Variants in TCF7 observed in about 807,000 individuals in gnomAD.
TCF7 encodes the protein transcription factor 7, also known as T-cell-factor-7.
In TCF7, 19 loss-of-function variants were observed where a neutral mutation model predicts 46.8. That is an observed-to-expected ratio of 0.41 (90% CI 0.28 to 0.60). The LOEUF is 0.60. TCF7 is among the 20% of genes least tolerant of loss of function. TCF7 has a pLI of 0.35. For synonymous variants in TCF7, 245 were observed against 213.4 expected, an observed-to-expected ratio of 1.15 and a Z score of -1.29; for missense variants, 547 against 504.6, an observed-to-expected ratio of 1.08 and a Z score of -0.81.
intron 3 of TCF7, among the ~76,000 whole-genome samples, chr5:134,119,879 G>A (rs932602002): frequency 1.3e-5 from 2 of 152,240 alleles, no homozygotes; most frequent in Non-Finnish European, 2.9e-5. Context: ...AGTTATTGGT[G>A]TTGAGCACCA....
At chr5:134,118,547 C>T (rs865917498) in intron 3 of TCF7, among the ~76,000 whole-genome samples, 8 of 152,082 alleles carry the variant, frequency 5.3e-5, no homozygotes, top group Non-Finnish European at 1.0e-4. Context: ...GAACCTTGCC[C>T]GGAGCAATAG....
chr5:134,108,993 C>T, the TCF7 span, among the ~76,000 whole-genome samples: 2 of 152,198 alleles, frequency 1.3e-5, no homozygotes, highest in African/African-American at 4.8e-5. Flanking sequence ...ATAAAACAGC[C>T]AGGAGGGTTT....
intron 5 of TCF7, chr5:134,140,886 C>A: frequency 2.3e-6 from 1 of 432,424 alleles, no homozygotes; most frequent in Non-Finnish European, 4.6e-6. Context: ...CCCCCTACCC[C>A]AGGTGAGTCC....
intron 8 of TCF7, 132 bp from the exon 9 acceptor site, chr5:134,143,460 A>G (rs772890244): frequency 1.9e-6 from 2 of 1,078,872 alleles, no homozygotes; most frequent in Non-Finnish European, 2.9e-6. Flanking sequence ...AGCAATCAAG[A>G]AACACCAGCA....
At chr5:134,140,502 C>T in intron 5 of TCF7, 5 of 280,600 alleles carry the variant, frequency 1.8e-5, no homozygotes, top group South Asian at 1.5e-4. Flanking sequence ...GCTGCAATGG[C>T]CCCAGGACAG....
chr5:134,113,452 G>C (rs1197496597), upstream of TCF7, among the ~76,000 whole-genome samples: 1 of 152,262 alleles, frequency 6.6e-6, no homozygotes, highest in Non-Finnish European at 1.5e-5. Context: ...AGGCACGGCT[G>C]TCTTCCGGCC....
chr5:134,144,917 C>T, intron 9 of TCF7: 1 of 1,531,446 alleles, frequency 6.5e-7, no homozygotes, highest in Non-Finnish European at 9.0e-7. Flanking sequence ...AGCTGCTTCC[C>T]TGACTCTGCA....
intron 9 of TCF7, chr5:134,144,454 G>T (rs1056385677): frequency 9.2e-6 from 3 of 325,388 alleles, no homozygotes; most frequent in East Asian, 1.4e-4. Context: ...GGCATAAAAG[G>T]CTGGATCTCC....
At chr5:134,109,072 G>A in the TCF7 span, among the ~76,000 whole-genome samples, 1 of 152,118 alleles carries the variant, frequency 6.6e-6, no homozygotes, top group Non-Finnish European at 1.5e-5. Flanking sequence ...TTGCCTGACG[G>A]CAGGTACGGG....
upstream of TCF7, among the ~76,000 whole-genome samples, chr5:134,110,615 A>C (rs1755315610): frequency 6.6e-6 from 1 of 152,222 alleles, no homozygotes; most frequent in Non-Finnish European, 1.5e-5. Context: ...GCTCCATGGG[A>C]AGTGCTCCTG....
chr5:134,137,190 G>A (rs145022881), intron 3 of TCF7, among the ~76,000 whole-genome samples: 1,728 of 152,334 alleles, frequency 0.011, 31 homozygotes, highest in African/African-American at 0.039. Flanking sequence ...CTGGGAGGCC[G>A]AGGCAGGTGG....
intron 7 of TCF7, 32 bp from the exon 8 acceptor site, chr5:134,142,961 T>A: frequency 3.7e-6 from 6 of 1,613,220 alleles, no homozygotes; most frequent in Non-Finnish European, 5.1e-6. Flanking sequence ...GACTCCCTGA[T>A]GCACCCCACC....
At chr5:134,143,397 A>C (rs757340458) in intron 8 of TCF7, 195 bp from the exon 9 acceptor site, 1 of 803,782 alleles carries the variant, frequency 1.2e-6, no homozygotes, top group South Asian at 1.3e-5. Flanking sequence ...TGGAGACCAG[A>C]TTGGGGTGAG....
intron 3 of TCF7, among the ~76,000 whole-genome samples, chr5:134,134,502 G>A (rs1469959761): frequency 6.6e-6 from 1 of 152,218 alleles, no homozygotes; most frequent in Non-Finnish European, 1.5e-5. Flanking sequence ...CACGAGGCCT[G>A]GTCAGGGCTG....
At chr5:134,145,285 G>A (rs761515328) in intron 9 of TCF7, 2 of 540,456 alleles carry the variant, frequency 3.7e-6, no homozygotes, top group Non-Finnish European at 7.3e-6. Context: ...GTACCATCCT[G>A]AGCCCTTAAT....
At chr5:134,115,188 C>A in intron 1 of TCF7, 33 bp downstream of exon 1, 3 of 1,078,008 alleles carry the variant, frequency 2.8e-6, no homozygotes, top group Non-Finnish European at 3.4e-6. Context: ...TCCTCCCCCG[C>A]GGTCGCCGCG....
intron 3 of TCF7, among the ~76,000 whole-genome samples, chr5:134,133,796 T>G (rs1291077708): frequency 6.6e-6 from 1 of 152,138 alleles, no homozygotes; most frequent in African/African-American, 2.4e-5. Context: ...GACTCCTGTT[T>G]AGTGCGTTTT....
rs1015708689 is a variant in TCF7, at chr5:134,146,801, C to T, written c.*498C>T. 1 of 477,916 alleles carries T rather than the reference C, an allele frequency of 2.1e-6. No individual in the cohort carries two copies. The highest frequency in any genetic ancestry group is 2.0e-5 in the African/African-American group (1 of 50,232). The allele number at this position is 477,916 out of a possible 1,614,324, so 29.6% of individuals were successfully genotyped here. ...TCTTTGTACCATCTGTCTTGCCAGC[C>T]AGAAGCCTCTGCCTCCCTAGCTTTT... On this transcript the variant is annotated 3_prime_UTR_variant, in exon 10 of 10. Coordinates refer to ENST00000342854, the MANE Select transcript of TCF7 (RefSeq NM_003202.5).
At chr5:134,139,475 G>C (rs1311601171) in intron 5 of TCF7, 2 of 165,702 alleles carry the variant, frequency 1.2e-5, no homozygotes, top group Admixed American at 1.2e-4. Context: ...TACTGCTTTT[G>C]GTCCTTTCCT....
Sources: gnomAD v4.1 joint callset for allele counts (sites outside exome capture counted in the v4.1 genomes callset) on GRCh38, gnomAD v4.1.1 for gene constraint, MANE v1.5 for transcripts, NCBI Gene and HGNC (gene_info 2026-07-23, HGNC 2026-07-21) for gene names.